The following STAB2 variants were observed in gnomAD, a reference collection of about 807,000 sequenced individuals.
The protein encoded by STAB2 is stabilin 2.
Under a neutral mutation model 338.1 loss-of-function variants are expected in STAB2, and 288 were observed. The observed-to-expected ratio is 0.85, with a 90% CI of 0.77 to 0.94. The LOEUF (loss-of-function observed/expected upper bound fraction) is 0.94, where lower values mean the gene tolerates loss of function less well. Ranked by LOEUF, STAB2 falls within the 40% of genes least tolerant of loss-of-function variation. STAB2 has a pLI of 0.00. For synonymous variants in STAB2, 1,202 were observed against 1,193.3 expected, an observed-to-expected ratio of 1.01 and a Z score of -0.15; for missense variants, 3,141 against 3,210.1, an observed-to-expected ratio of 0.98 and a Z score of 0.52.
intron 44 of STAB2, among the ~76,000 whole-genome samples, chr12:103,723,123 T>C (rs527467330): frequency 9.2e-5 from 14 of 152,158 alleles, no homozygotes; most frequent in Non-Finnish European, 1.9e-4. Context: ...CAAGTGGGGC[T>C]CATCAACTAA....
At chr12:103,728,573 G>A (rs1319002295) in intron 47 of STAB2, among the ~76,000 whole-genome samples, 2 of 152,174 alleles carry the variant, frequency 1.3e-5, no homozygotes, top group African/African-American at 4.8e-5. Flanking sequence ...ACAGAACTTG[G>A]GATCTTTGCA....
At chr12:103,594,344 G>T (rs372335732) in intron 2 of STAB2, 51 bp from the exon 3 acceptor site, 1 of 1,393,784 alleles carries the variant, frequency 7.2e-7, no homozygotes, top group African/African-American at 1.4e-5. Context: ...ACCACCTAGA[G>T]TAACTGCATT....
intron 29 of STAB2, 118 bp downstream of exon 29, chr12:103,690,100 C>T: frequency 2.1e-6 from 3 of 1,398,848 alleles, no homozygotes; most frequent in Non-Finnish European, 2.9e-6. Flanking sequence ...TGAACATGTT[C>T]TAGGATTCTC....
chr12:103,633,968 G>A (rs1005342565), intron 6 of STAB2, among the ~76,000 whole-genome samples: 4 of 152,058 alleles, frequency 2.6e-5, no homozygotes, highest in African/African-American at 9.7e-5. Flanking sequence ...ATTTACCCCG[G>A]GAGAGGAGAG....
chr12:103,733,293 T>C, intron 51 of STAB2, 111 bp downstream of exon 51: 2 of 1,301,014 alleles, frequency 1.5e-6, no homozygotes, highest in Non-Finnish European at 2.2e-6. Flanking sequence ...GTCACCACTG[T>C]ATGCAGGAAG....
intron 26 of STAB2, among the ~76,000 whole-genome samples, chr12:103,684,422 A>G (rs891728973): frequency 6.6e-6 from 1 of 152,166 alleles, no homozygotes; most frequent in African/African-American, 2.4e-5. Context: ...GAGGAGGGAG[A>G]TGCCCCCAAG....
At chr12:103,766,110 A>G (rs1593366776) in intron 68 of STAB2, 176 bp from the exon 69 acceptor site, 2 of 825,726 alleles carry the variant, frequency 2.4e-6, no homozygotes, top group East Asian at 5.4e-5. Flanking sequence ...AGGTGGCCCT[A>G]CCCCCAGCCC....
At chr12:103,712,598 A>G (rs1366437630) in intron 41 of STAB2, among the ~76,000 whole-genome samples, 155 bp downstream of exon 41, 1 of 152,232 alleles carries the variant, frequency 6.6e-6, no homozygotes, top group East Asian at 1.9e-4. Context: ...GCCTGGGGAC[A>G]GGAAACCAAC....
intron 31 of STAB2, among the ~76,000 whole-genome samples, chr12:103,694,097 T>C (rs1325511474): frequency 6.6e-6 from 1 of 152,090 alleles, no homozygotes; most frequent in African/African-American, 2.4e-5. Context: ...TCAATTGGCA[T>C]CAAGGGCATC....
chr12:103,758,223 C>T lies in STAB2; in HGVS notation c.7041C>T (p.His2347=), dbSNP rs1293672681. 1 of 1,614,182 alleles carries T rather than the reference C, an allele frequency of 6.2e-7. No homozygotes were observed. Among genetic ancestry groups the T allele is most frequent in the Non-Finnish European group, 8.5e-7 (1 of 1,180,042 alleles). Residue 2347 remains histidine, a synonymous_variant, in exon 64 of 69, where the codon CAC becomes CAT. Transcript: ENST00000388887. Reference sequence around the variant, plus strand: ...CTCGAGGCCGTGCATTTCTAGAACACCTGACTGACCTGTCCATCCGCGGCA... The same window carrying T: ...CTCGAGGCCGTGCATTTCTAGAACATCTGACTGACCTGTCCATCCGCGGCA... ...SSARGRAFLE[H]LTDLSIRGTL...
chr12:103,739,060 T>C (rs1882370580), intron 53 of STAB2, among the ~76,000 whole-genome samples: 3 of 152,078 alleles, frequency 2.0e-5, no homozygotes, highest in Non-Finnish European at 2.9e-5. Context: ...ACTGCAGCCT[T>C]GAACTCCTGG....
At chr12:103,746,962 T>C (rs1318822446) in intron 58 of STAB2, among the ~76,000 whole-genome samples, 6 of 149,776 alleles carry the variant, frequency 4.0e-5, no homozygotes, top group Admixed American at 4.0e-4. Flanking sequence ...TTTTTTTTTT[T>C]TTTTTTTTTC....
chr12:103,607,849 G>A (rs1397816619), intron 3 of STAB2, among the ~76,000 whole-genome samples: 22 of 152,258 alleles, frequency 1.4e-4, no homozygotes, highest in Admixed American at 4.6e-4. Flanking sequence ...ATAAACATAC[G>A]TGTGCATGTG....
At chr12:103,623,282 C>T (rs988015905) in intron 5 of STAB2, among the ~76,000 whole-genome samples, 1 of 152,160 alleles carries the variant, frequency 6.6e-6, no homozygotes, top group Non-Finnish European at 1.5e-5. Flanking sequence ...GGCAGAATAA[C>T]GGCTCCCTGA....
intron 5 of STAB2, among the ~76,000 whole-genome samples, chr12:103,630,336 A>T (rs989703184): frequency 1.5e-4 from 23 of 152,372 alleles, no homozygotes; most frequent in African/African-American, 4.8e-4. Context: ...AACTTTATTC[A>T]TCCTTGCTTT....
intron 3 of STAB2, among the ~76,000 whole-genome samples, chr12:103,618,498 A>G (rs554552251): frequency 2.2e-4 from 33 of 152,230 alleles, no homozygotes; most frequent in African/African-American, 7.7e-4. Context: ...CTGCATTTTT[A>G]TTTTCCACGG....
chr12:103,739,348 A>C, intron 53 of STAB2, 64 bp from the exon 54 acceptor site: 2 of 1,442,712 alleles, frequency 1.4e-6, no homozygotes. Context: ...GGTATTAATC[A>C]GGAACATTTC....
intron 9 of STAB2, 149 bp downstream of exon 9, chr12:103,640,405 G>C: frequency 1.1e-6 from 1 of 948,464 alleles, no homozygotes; most frequent in Non-Finnish European, 1.5e-6. Context: ...GATTGTAGTA[G>C]GTACTCAATA....
At position 103,622,029 on chromosome 12, in the gene STAB2, G is replaced by T; in HGVS notation, c.418-13G>T. The stretch of plus-strand genomic sequence containing the variant: ...CCTTGGGTCTAATGTCAACCACCTG[G>T]GGTGTTTTGCAGGAAGGGTTTGGTG... On this transcript the variant is annotated splice_polypyrimidine_tract_variant and intron_variant, in intron 4 of 68. Coordinates refer to ENST00000388887, the MANE Select transcript of STAB2 (RefSeq NM_017564.10). The T allele has an allele frequency of 6.2e-7, 1 of 1,614,082 alleles. No homozygotes were observed. Among genetic ancestry groups the T allele is most frequent in the Non-Finnish European group, 8.5e-7 (1 of 1,179,966 alleles).
Sources: gnomAD v4.1 joint callset for allele counts (sites outside exome capture counted in the v4.1 genomes callset) on GRCh38, gnomAD v4.1.1 for gene constraint, MANE v1.5 for transcripts, NCBI Gene and HGNC (gene_info 2026-07-23, HGNC 2026-07-21) for gene names.